The following LGI1 variants were observed in gnomAD, a reference collection of about 807,000 sequenced individuals.
The protein encoded by LGI1 is leucine-rich glioma-inactivated protein 1.
Under a neutral mutation model 57.7 loss-of-function variants are expected in LGI1, and 11 were observed. The ratio of observed to expected loss-of-function variants is 0.19; its 90% CI spans 0.12 to 0.32. LGI1 has a LOEUF of 0.32. Ranked by LOEUF, LGI1 falls within the 10% of genes least tolerant of loss-of-function variation. The pLI, the probability that LGI1 is intolerant of heterozygous loss-of-function variation, is 1.00. For missense variants in LGI1, 422 were observed against 661.9 expected, an observed-to-expected ratio of 0.64 and a Z score of 3.98; for synonymous variants, 222 against 241.9, an observed-to-expected ratio of 0.92 and a Z score of 0.76.
At chr10:93,784,617 C>A (rs2059880713) in intron 4 of LGI1, among the ~76,000 whole-genome samples, 1 of 152,136 alleles carries the variant, frequency 6.6e-6, no homozygotes, top group African/African-American at 2.4e-5. Context: ...TGTAGAAAGT[C>A]TTTTTCCTGA....
chr10:93,791,966 C>T (rs1052573027), intron 5 of LGI1: 1 of 152,200 alleles, frequency 6.6e-6, no homozygotes, highest in Non-Finnish European at 1.5e-5. Context: ...ACATTCTGTC[C>T]TTTAGACCTG....
chr10:93,783,670 C>T (rs1421399676), intron 4 of LGI1, among the ~76,000 whole-genome samples: 7 of 152,286 alleles, frequency 4.6e-5, no homozygotes, highest in South Asian at 2.1e-4. Context: ...TAGATATGTA[C>T]GCGTCCTCTC....
Position 93,777,394 on chromosome 10 carries a change from C to T in LGI1, c.303C>T (p.Asn101=), listed in dbSNP as rs762343857. The part of the protein sequence containing the change: ...PSLQLLLFTS[N]SFDVISDDAF... ...TTCTGGGCAGGTTATTCACATCGAA[C>T]TCCTTTGATGTGATCAGTGATGATG... Residue 101 remains asparagine (N), a synonymous_variant, in exon 3 of 8, where the codon AAC becomes AAT. Coordinates refer to ENST00000371418, the MANE Select transcript of LGI1 (RefSeq NM_005097.4). 47 of 1,613,690 alleles carry T rather than the reference C, an allele frequency of 2.9e-5. No individual in the cohort carries two copies. The highest frequency in any genetic ancestry group is 3.4e-5 in the Non-Finnish European group (40 of 1,179,688).
intron 5 of LGI1, chr10:93,791,992 T>C (rs1241916315): frequency 6.6e-6 from 1 of 152,304 alleles, no homozygotes; most frequent in East Asian, 1.9e-4. Flanking sequence ...TCCAATAGGG[T>C]AGCCACCAGA....
chr10:93,777,195 G>C (rs1448585192), intron 2 of LGI1, 184 bp from the exon 3 acceptor site: 5 of 653,980 alleles, frequency 7.6e-6, no homozygotes, highest in Non-Finnish European at 1.4e-5. Flanking sequence ...ATGAGCCTTT[G>C]ATGAGGAGAT....
chr10:93,774,706 C>T (rs182036489), intron 2 of LGI1, among the ~76,000 whole-genome samples: 22 of 151,990 alleles, frequency 1.4e-4, no homozygotes, highest in Admixed American at 3.3e-4. Flanking sequence ...CACGGCCACC[C>T]TGGTCTGCCC....
intron 2 of LGI1, 74 bp from the exon 3 acceptor site, chr10:93,777,305 T>C: frequency 7.6e-7 from 1 of 1,318,530 alleles, no homozygotes; most frequent in South Asian, 1.2e-5. Context: ...CACTCATTTT[T>C]CTGAGAGATA....
intron 5 of LGI1, chr10:93,791,399 A>C (rs1239092404): frequency 1.3e-5 from 2 of 152,160 alleles, no homozygotes; most frequent in Non-Finnish European, 2.9e-5. Context: ...TTTTTGTGTC[A>C]GTCTATACCC....
At chr10:93,771,324 G>C (rs1013393970) in intron 2 of LGI1, 1 of 152,172 alleles carries the variant, frequency 6.6e-6, no homozygotes, top group African/African-American at 2.4e-5. Flanking sequence ...ATATTTCCTT[G>C]ATCTCAAGAC....
rs202148793 is a variant in LGI1, at chr10:93,797,284, A to C, written c.1155A>C (p.Leu385=). ...ACAGGGACACTGATGTGGAATATCT[A>C]GAAATAGTCAGAACACCTCAGACAC... ...AWYRDTDVEY[L]EIVRTPQTLR... Residue 385 remains leucine (L), a synonymous_variant, in exon 8 of 8, where the codon CTA becomes CTC. Transcript: ENST00000371418. The surrounding 1 kb of genome is among the most constrained non-coding windows in gnomAD (Gnocchi z 6.5). The C allele has an allele frequency of 2.2e-4, 362 of 1,614,076 alleles. 2 individuals are homozygous for C. Among genetic ancestry groups the C allele is most frequent in the Non-Finnish European group, 4.4e-5 (52 of 1,180,038 alleles).
At chr10:93,778,393 G>A (rs1266048543) in intron 4 of LGI1, among the ~76,000 whole-genome samples, 2 of 149,142 alleles carry the variant, frequency 1.3e-5, no homozygotes, top group Non-Finnish European at 1.5e-5. Flanking sequence ...AGGCACACAT[G>A]TGCATACACA....
At chr10:93,789,992 T>C (rs756891306) in intron 4 of LGI1, 107 bp from the exon 5 acceptor site, 219 of 1,104,948 alleles carry the variant, frequency 2.0e-4, no homozygotes, top group Non-Finnish European at 2.6e-4. Flanking sequence ...ACAAGTCTTT[T>C]AGTAGGCTGG....
At chr10:93,782,052 A>T (rs2059851939) in intron 4 of LGI1, among the ~76,000 whole-genome samples, 1 of 152,178 alleles carries the variant, frequency 6.6e-6, no homozygotes, top group African/African-American at 2.4e-5. Context: ...AGGTAGTGCA[A>T]TGTAGCAGCT....
intron 2 of LGI1, among the ~76,000 whole-genome samples, chr10:93,774,471 G>A (rs11187655): frequency 0.082 from 12,443 of 152,140 alleles, 1,202 homozygotes; most frequent in African/African-American, 0.23. Flanking sequence ...TTCTTTGCAC[G>A]TAATTTTACC....
At chr10:93,780,007 A>G (rs2059832602) in intron 4 of LGI1, among the ~76,000 whole-genome samples, 1 of 152,236 alleles carries the variant, frequency 6.6e-6, no homozygotes, top group African/African-American at 2.4e-5. Flanking sequence ...CATATGGTTC[A>G]TCTTAAATAG....
At chr10:93,792,650 G>A (rs540072772) in intron 5 of LGI1, 93 bp from the exon 6 acceptor site, 33 of 1,320,810 alleles carry the variant, frequency 2.5e-5, no homozygotes, top group Non-Finnish European at 3.5e-5. Flanking sequence ...CGCCGGGTAA[G>A]GTCATTCTGC....
intron 2 of LGI1, among the ~76,000 whole-genome samples, chr10:93,772,305 A>T (rs1413340389): frequency 6.6e-6 from 1 of 152,202 alleles, no homozygotes; most frequent in East Asian, 1.9e-4. Context: ...GGTACAAGTC[A>T]GCAGTAAAGA....
intron 2 of LGI1, chr10:93,771,516 A>G (rs2059739646): frequency 6.6e-6 from 1 of 152,116 alleles, no homozygotes; most frequent in African/African-American, 2.4e-5. Context: ...GGAGACTGAG[A>G]AGGGTGGGGG....
chr10:93,768,179 G>T (rs1165086031), intron 2 of LGI1: 1 of 151,526 alleles, frequency 6.6e-6, no homozygotes, highest in Non-Finnish European at 1.5e-5. Context: ...GCGTTCCAGG[G>T]AATACACTCT....
Sources: allele counts gnomAD v4.1 joint callset (sites outside exome capture counted in the v4.1 genomes callset), GRCh38; gene constraint gnomAD v4.1.1; non-coding constraint Gnocchi (gnomAD v3.1); transcripts MANE v1.5; gene names NCBI Gene and HGNC (gene_info 2026-07-23, HGNC 2026-07-21).